CSNK1G2: variants seen among roughly 807,000 people sequenced by gnomAD.
CSNK1G2 encodes the protein casein kinase 1 gamma 2.
Under a neutral mutation model 48.0 loss-of-function variants are expected in CSNK1G2, and 11 were observed. The observed-to-expected ratio is 0.23, with a 90% CI of 0.14 to 0.38. CSNK1G2 has a LOEUF of 0.38. Among genes scored for constraint, CSNK1G2 ranks in the 10% least tolerant of loss-of-function variants. The probability of loss-of-function intolerance (pLI) is 1.00; values close to 1 mark genes in which losing one functional copy is unlikely to be tolerated. For synonymous variants in CSNK1G2, 337 were observed against 254.1 expected, an observed-to-expected ratio of 1.33 and a Z score of -3.10; for missense variants, 446 against 595.5, an observed-to-expected ratio of 0.75 and a Z score of 2.61.
At chr19:1,955,913 A>T (rs1357271341) in intron 1 of CSNK1G2, among the ~76,000 whole-genome samples, 1 of 152,152 alleles carries the variant, frequency 6.6e-6, no homozygotes, top group Admixed American at 6.5e-5. Flanking sequence ...AGCAACCCCA[A>T]CCTGCCTGGG....
chr19:1,960,122 C>G (rs1294389180), intron 1 of CSNK1G2, among the ~76,000 whole-genome samples: 1 of 152,232 alleles, frequency 6.6e-6, no homozygotes, highest in Non-Finnish European at 1.5e-5. Context: ...GGTGCCAGTC[C>G]TGACCCTACC....
intron 1 of CSNK1G2, among the ~76,000 whole-genome samples, chr19:1,945,432 G>T (rs1242495150): frequency 1.3e-5 from 2 of 152,226 alleles, no homozygotes; most frequent in Non-Finnish European, 2.9e-5. Flanking sequence ...CCTGCCCAGG[G>T]ATCCCTCCTG....
At chr19:1,949,089 C>G (rs953222383) in intron 1 of CSNK1G2, among the ~76,000 whole-genome samples, 4 of 152,128 alleles carry the variant, frequency 2.6e-5, no homozygotes, top group Non-Finnish European at 5.9e-5. Flanking sequence ...TCAGGGCAAC[C>G]TTTATTGAAA....
At chr19:1,976,302 G>T (rs1023690839) in intron 2 of CSNK1G2, among the ~76,000 whole-genome samples, 7 of 151,980 alleles carry the variant, frequency 4.6e-5, no homozygotes, top group African/African-American at 1.7e-4. Context: ...CTGGTCCCTG[G>T]CTCAGGACTG....
In CSNK1G2 at chr19:1,979,695, G is replaced by A. The variant is rs369658300; in HGVS notation, c.1002+52G>A. ...GAGCGGGGGACCGGGAAACTGCCCT[G>A]AGGGAGATGGGAACCGGCGCTGCAG... On this transcript the variant is annotated intron_variant, in intron 9 of 11. Coordinates refer to ENST00000255641, the MANE Select transcript of CSNK1G2 (RefSeq NM_001319.7). 7.2e-5 allele frequency: 116 copies of A among 1,602,166 alleles called. No individual in the cohort carries two copies. In the African/African-American group the frequency reaches 1.3e-3, roughly 18 times the overall value.
At chr19:1,950,164 G>A (rs2014710939) in intron 1 of CSNK1G2, among the ~76,000 whole-genome samples, 1 of 151,762 alleles carries the variant, frequency 6.6e-6, no homozygotes, top group African/African-American at 2.4e-5. Flanking sequence ...TTATGAGACG[G>A]AGTCTCGCTC....
intron 2 of CSNK1G2, chr19:1,976,077 C>T (rs753499204): frequency 7.8e-7 from 1 of 1,289,380 alleles, no homozygotes; most frequent in Non-Finnish European, 1.0e-6. Context: ...ATAAAATGGA[C>T]CGGTGGATGG....
At chr19:1,960,469 G>A (rs2015161748) in intron 1 of CSNK1G2, among the ~76,000 whole-genome samples, 1 of 152,230 alleles carries the variant, frequency 6.6e-6, no homozygotes, top group Non-Finnish European at 1.5e-5. Flanking sequence ...CCCTCGGGAT[G>A]TTTGCCGTGC....
rs1228267533 is a variant in CSNK1G2, at chr19:1,948,098, GGCCCC to G, written c.-266+6685_-266+6689del. Reference sequence around the variant, plus strand: ...AGCAGGAGGTGTGGCTTCGGGGGGCGGCCCCGCCCTGGGCTCAGACTTGATCCTGC... The same window carrying G: ...AGCAGGAGGTGTGGCTTCGGGGGGCGGCCCTGGGCTCAGACTTGATCCTGC... On this transcript the variant is annotated intron_variant, in intron 1 of 11. Coordinates refer to ENST00000255641, the MANE Select transcript of CSNK1G2 (RefSeq NM_001319.7). Among the ~76,000 whole-genome samples the G allele has an allele frequency of 2.0e-5, 3 of 152,242 alleles. No individual in the cohort carries two copies. The East Asian group carries it at 5.8e-4, about 29-fold the overall frequency.
chr19:1,957,326 G>A lies in CSNK1G2; in HGVS notation c.-265-12182G>A, dbSNP rs944761412. Among the ~76,000 whole-genome samples, 3 of 152,218 alleles carry A rather than the reference G, an allele frequency of 2.0e-5. No homozygotes were observed. The highest frequency in any genetic ancestry group is 7.2e-5 in the African/African-American group (3 of 41,454). ...CAAGGATGAGAAGCAGTGTGTGCCC[G>A]GGAGGTCACGTGGGCACCACAGACG... On this transcript the variant is annotated intron_variant, in intron 1 of 11. Transcript: ENST00000255641. The surrounding 1 kb of genome is among the most constrained non-coding windows in gnomAD (Gnocchi z 5.4).
rs924195073 is a variant in CSNK1G2, at chr19:1,975,235, C to T, written c.188-3070C>T. 1.3e-5 allele frequency: 13 copies of T among 985,496 alleles called. No individual in the cohort carries two copies. The Admixed American group carries it at 1.8e-4, about 14-fold the overall frequency. The allele number at this position is 985,496 out of a possible 1,614,324, so 61.0% of individuals were successfully genotyped here. A position where few individuals can be genotyped will look rare whatever the true frequency, so the allele number is the denominator to read the frequency against. ...GCTGGGGAGGACGTTGGCGAGCATC[C>T]GCCTGCCCGTCAGGGAGCCACAGCT... On this transcript the variant is annotated intron_variant, in intron 2 of 11. Transcript: ENST00000255641.
chr19:1,969,528 G>C lies in CSNK1G2; in HGVS notation c.-245G>C, dbSNP rs1474478160. 2.7e-5 allele frequency: 9 copies of C among 338,662 alleles called. No homozygotes were observed. Among genetic ancestry groups the C allele is most frequent in the Middle Eastern group, 7.4e-4 (1 of 1,346 alleles). The allele number at this position is 338,662 out of a possible 1,614,324, so 21.0% of individuals were successfully genotyped here. A position where few individuals can be genotyped will look rare whatever the true frequency, so the allele number is the denominator to read the frequency against. Reference sequence around the variant, plus strand: ...TGCAGCTGTGAGCCGTGAGCTTTGAGGCGGTGGGATGTGTCAGCAGAATGT... The same window carrying C: ...TGCAGCTGTGAGCCGTGAGCTTTGACGCGGTGGGATGTGTCAGCAGAATGT... On this transcript the variant is annotated 5_prime_UTR_variant, in exon 2 of 12. Coordinates refer to ENST00000255641, the MANE Select transcript of CSNK1G2 (RefSeq NM_001319.7).
chr19:1,950,602 AG>A (rs1478970884), intron 1 of CSNK1G2, among the ~76,000 whole-genome samples: 1 of 145,958 alleles, frequency 6.9e-6, no homozygotes, highest in Non-Finnish European at 1.5e-5. Flanking sequence ...GGGAGACAGG[AG>A]GGGGTGCACT....
chr19:1,970,044 C>T (rs546449545), intron 2 of CSNK1G2, 85 bp downstream of exon 2: 56 of 1,161,268 alleles, frequency 4.8e-5, no homozygotes, highest in Non-Finnish European at 4.6e-5. Flanking sequence ...TGGGGCCGCC[C>T]GGGGTCACTG....
intron 1 of CSNK1G2, among the ~76,000 whole-genome samples, chr19:1,949,585 T>C (rs940813478): frequency 6.6e-6 from 1 of 152,242 alleles, no homozygotes; most frequent in Non-Finnish European, 1.5e-5. Context: ...CGAGCACCCG[T>C]GTCCGGTTCC....
chr19:1,978,285 G>A lies in CSNK1G2; in HGVS notation c.188-20G>A, dbSNP rs1163996348. ...AGGTGGGCCCTGCGCTGGCGGTGCT[G>A]ATGGTCTCTGTCCCCGCAGGAAAGA... On this transcript the variant is annotated intron_variant, in intron 2 of 11. Coordinates refer to ENST00000255641, the MANE Select transcript of CSNK1G2 (RefSeq NM_001319.7). This position sits in a 1 kb window ranked among gnomAD's most constrained non-coding sequence, Gnocchi z 7.3. 1.2e-6 allele frequency: 2 copies of A among 1,613,248 alleles called. No homozygotes were observed. The highest frequency in any genetic ancestry group is 2.2e-5 in the East Asian group (1 of 44,872).
At chr19:1,962,865 G>T (rs779499249) in intron 1 of CSNK1G2, among the ~76,000 whole-genome samples, 2 of 152,142 alleles carry the variant, frequency 1.3e-5, no homozygotes, top group African/African-American at 4.8e-5. Flanking sequence ...CCGCAGCCAC[G>T]CAGAAGCCCG....
intron 2 of CSNK1G2, among the ~76,000 whole-genome samples, chr19:1,977,923 G>A (rs2015815098): frequency 1.3e-5 from 2 of 152,160 alleles, no homozygotes; most frequent in Admixed American, 6.5e-5. Context: ...TCACCTGGGG[G>A]CCGAGGGCCT....
chr19:1,975,025 G>A (rs528363023), intron 2 of CSNK1G2: 1 of 979,674 alleles, frequency 1.0e-6, no homozygotes, highest in Non-Finnish European at 1.2e-6. Flanking sequence ...CTCAGATGCT[G>A]CCACACCCAC....
Sources: gnomAD v4.1 joint callset for allele counts (sites outside exome capture counted in the v4.1 genomes callset) on GRCh38, gnomAD v4.1.1 for gene constraint, Gnocchi (gnomAD v3.1) non-coding constraint, MANE v1.5 for transcripts, NCBI Gene and HGNC (gene_info 2026-07-23, HGNC 2026-07-21) for gene names.